Variants in OLFM3 observed in about 807,000 individuals in gnomAD.
OLFM3 encodes the protein olfactomedin 3.
Under a neutral mutation model 48.6 loss-of-function variants are expected in OLFM3, and 20 were observed. That is an observed-to-expected ratio of 0.41 (90% CI 0.29 to 0.60). The LOEUF (loss-of-function observed/expected upper bound fraction) is 0.60. Ranked by LOEUF, OLFM3 falls within the 20% of genes least tolerant of loss-of-function variation. The pLI is 0.28. For missense variants in OLFM3, 437 were observed against 544.3 expected (o/e 0.80, Z 1.96); for synonymous variants, 222 against 198.1 (o/e 1.12, Z -1.01).
intron 4 of OLFM3, among the ~76,000 whole-genome samples, 165 bp downstream of exon 4, chr1:101,824,861 G>C (rs1557689452): frequency 6.6e-6 from 1 of 152,116 alleles, no homozygotes; most frequent in Non-Finnish European, 1.5e-5. Context: ...CTAGCACAGA[G>C]TACCCAGACA....
intron 3 of OLFM3, 97 bp from the exon 4 acceptor site, chr1:101,825,342 G>T: frequency 1.1e-6 from 1 of 946,072 alleles, no homozygotes; most frequent in Non-Finnish European, 1.6e-6. Flanking sequence ...TATTAAAACA[G>T]CTTCAACATT....
chr1:101,937,037 T>C (rs1659643020), intron 1 of OLFM3, among the ~76,000 whole-genome samples: 1 of 152,170 alleles, frequency 6.6e-6, no homozygotes, highest in Non-Finnish European at 1.5e-5. Context: ...GAAATACCAT[T>C]TGGGACATAG....
chr1:101,849,533 A>C lies in OLFM3; in HGVS notation c.70-12508T>G, dbSNP rs183720846. ...TTCAAGAGTTTAAAGCAAAGCAGTA[A>C]GATCATTAGTTTTATGTTGTGAATC... On this transcript the variant is annotated intron_variant, in intron 1 of 5. Coordinates refer to ENST00000370103, the MANE Select transcript of OLFM3 (RefSeq NM_058170.4). 7.9e-5 allele frequency among the ~76,000 whole-genome samples: 12 copies of C among 152,346 alleles called. No individual in the cohort carries two copies. The East Asian group carries it at 2.1e-3, about 27-fold the overall frequency.
At chr1:101,940,312 G>A (rs147494832) in intron 1 of OLFM3, among the ~76,000 whole-genome samples, 21 of 150,368 alleles carry the variant, frequency 1.4e-4, no homozygotes, top group African/African-American at 4.6e-4. Context: ...CTATTCTCAG[G>A]ATCCATGTGC....
intron 1 of OLFM3, among the ~76,000 whole-genome samples, chr1:101,919,325 A>G (rs938469039): frequency 1.1e-4 from 16 of 151,864 alleles, no homozygotes; most frequent in South Asian, 2.1e-4. Flanking sequence ...TGAACTTTCT[A>G]TTTCCAATTT....
At chr1:101,965,301 G>A (rs965928719) in intron 1 of OLFM3, among the ~76,000 whole-genome samples, 5 of 152,180 alleles carry the variant, frequency 3.3e-5, no homozygotes, top group African/African-American at 9.7e-5. Context: ...AGAATAAAAT[G>A]TTGTAGAATT....
intron 2 of OLFM3, among the ~76,000 whole-genome samples, chr1:101,831,480 C>T (rs1163581504): frequency 6.6e-6 from 1 of 152,010 alleles, no homozygotes; most frequent in East Asian, 1.9e-4. Context: ...TTCGCTGAAC[C>T]CTGGGCTATT....
Position 101,836,903 on chromosome 1 carries a change from C to T in OLFM3, c.192G>A (p.Arg64=), listed in dbSNP as rs774851012. 5.2e-5 allele frequency: 84 copies of T among 1,613,980 alleles called. No individual in the cohort carries two copies. Among genetic ancestry groups the T allele is most frequent in the Non-Finnish European group, 6.9e-5 (81 of 1,180,002 alleles). ...QNLCSRDAKS[R]QLRQLLEKVQ... ...CCTTTTCCAGTAGTTGGCGAAGTTG[C>T]CTGCTTTTGGCATCCCGGGAACACA... Residue 64 remains arginine, a synonymous_variant, in exon 2 of 6, where the codon AGG becomes AGA. Coordinates refer to ENST00000370103, the MANE Select transcript of OLFM3 (RefSeq NM_058170.4).
chr1:101,881,797 C>A (rs1300403695), intron 1 of OLFM3, among the ~76,000 whole-genome samples: 1 of 150,624 alleles, frequency 6.6e-6, no homozygotes. Context: ...TTTTTTTTTA[C>A]ATTTTGGCTG....
In OLFM3 at chr1:101,825,076, T is replaced by A. The variant is rs764534020; in HGVS notation, c.542A>T (p.Gln181Leu). 6.2e-7 allele frequency: 1 copy of A among 1,614,164 alleles called. No homozygotes were observed. Among genetic ancestry groups the A allele is most frequent in the East Asian group, 2.2e-5 (1 of 44,880 alleles). The change falls in exon 4 of 6, where the codon CAA (glutamine) becomes CTA (leucine). Residue 181 changes from glutamine to leucine, a missense_variant. Physicochemically the swap from Gln to Leu is moderately radical, Grantham distance 113 (BLOSUM62 -2). Around this residue, in one of 3 missense-constraint regions of OLFM3, gnomAD observed 314 missense variants for 365.5 expected, o/e 0.86. Transcript: ENST00000370103. ...TCTTGTTTCCAAGCTCAGCACTCTT[T>A]GGTGTAGTTCCTCGTAGTCATAGGC... is the stretch of plus-strand genomic sequence containing the variant. ...IGAYDYEELH[Q>L]RVLSLETRLR...
At chr1:101,976,855 C>T (rs1212665563) in intron 1 of OLFM3, among the ~76,000 whole-genome samples, 1 of 152,114 alleles carries the variant, frequency 6.6e-6, no homozygotes, top group African/African-American at 2.4e-5. Context: ...CTCTAAGAAT[C>T]TCAAAATTCT....
At chr1:101,842,922 C>G (rs1002579115) in intron 1 of OLFM3, among the ~76,000 whole-genome samples, 14 of 152,218 alleles carry the variant, frequency 9.2e-5, no homozygotes, top group Non-Finnish European at 1.9e-4. Flanking sequence ...ATTTGCCATT[C>G]TGTTCTCTCA....
intron 1 of OLFM3, among the ~76,000 whole-genome samples, chr1:101,884,352 A>C (rs1180155388): frequency 6.6e-6 from 1 of 152,030 alleles, no homozygotes; most frequent in African/African-American, 2.4e-5. Flanking sequence ...TCAAGATAAC[A>C]GGAGAAGCAA....
At position 101,945,583 on chromosome 1, in the gene OLFM3, T is replaced by C. The variant is rs559085956; in HGVS notation, c.69+51165A>G. 1.3e-4 allele frequency among the ~76,000 whole-genome samples: 20 copies of C among 152,276 alleles called. 1 individual carries two copies. In the South Asian group the frequency reaches 3.7e-3, roughly 28 times the overall value. ...TTTTTTTTTATATTGGTGATAGTTT[T>C]ATGAGTTAATACATATGTTGAAATT... On this transcript the variant is annotated intron_variant, in intron 1 of 5. Transcript: ENST00000370103.
intron 3 of OLFM3, among the ~76,000 whole-genome samples, chr1:101,829,582 G>A (rs915449667): frequency 1.3e-5 from 2 of 152,170 alleles, no homozygotes; most frequent in African/African-American, 4.8e-5. Context: ...GCAGAGACTC[G>A]GTTACATGTT....
intron 1 of OLFM3, among the ~76,000 whole-genome samples, chr1:101,975,837 G>A (rs76604094): frequency 0.014 from 2,129 of 152,084 alleles, 48 homozygotes; most frequent in African/African-American, 0.048. Flanking sequence ...GCAACGCAGC[G>A]TAATACCCAC....
In OLFM3 at chr1:101,902,449, C is replaced by T. The variant is rs116411847; in HGVS notation, c.70-65424G>A. On this transcript the variant is annotated intron_variant, in intron 1 of 5. Coordinates refer to ENST00000370103, the MANE Select transcript of OLFM3 (RefSeq NM_058170.4). ...ACAGAGAGGAAATGAAGAAATTGAG[C>T]ATGTTTGCCACCCAAAAGGGAAGGA... 3.4e-3 allele frequency among the ~76,000 whole-genome samples: 519 copies of T among 151,876 alleles called. 4 individuals are homozygous for T. Among genetic ancestry groups the T allele is most frequent in the African/African-American group, 0.012 (498 of 41,430 alleles).
chr1:101,935,020 A>G (rs932360035), intron 1 of OLFM3, among the ~76,000 whole-genome samples: 3 of 152,088 alleles, frequency 2.0e-5, no homozygotes, highest in Non-Finnish European at 4.4e-5. Flanking sequence ...AAAAGTTAGA[A>G]AGACCTCAAA....
chr1:101,879,852 C>A (rs1657448175), intron 1 of OLFM3, among the ~76,000 whole-genome samples: 1 of 151,660 alleles, frequency 6.6e-6, no homozygotes, highest in South Asian at 2.1e-4. Context: ...CCAAATAACA[C>A]CCTAAAATAA....
Sources: allele counts gnomAD v4.1 joint callset (sites outside exome capture counted in the v4.1 genomes callset), GRCh38; gene constraint gnomAD v4.1.1; regional missense constraint gnomAD v4.1.1; transcripts MANE v1.5; gene names NCBI Gene and HGNC (gene_info 2026-07-23, HGNC 2026-07-21).